MAP1LC3B: variants seen among roughly 807,000 people sequenced by gnomAD.
The protein encoded by MAP1LC3B is microtubule-associated protein 1 light chain 3 beta.
MAP1LC3B carries 12 observed loss-of-function variants against 16.7 expected under a neutral mutation model. The observed-to-expected ratio is 0.72, with a 90% CI of 0.46 to 1.16. MAP1LC3B has a LOEUF of 1.16. Ranked by LOEUF, MAP1LC3B falls within the 50% of genes most tolerant of loss-of-function variation. The pLI, the probability that MAP1LC3B is intolerant of heterozygous loss-of-function variation, is 0.00. For synonymous variants in MAP1LC3B, 63 were observed against 56.5 expected, an observed-to-expected ratio of 1.11 and a Z score of -0.51; for missense variants, 155 against 159.5, an observed-to-expected ratio of 0.97 and a Z score of 0.15.
At chr16:87,399,069 G>C (rs950206970) in intron 2 of MAP1LC3B, 199 bp downstream of exon 2, 3 of 570,230 alleles carry the variant, frequency 5.3e-6, no homozygotes, top group Admixed American at 3.0e-5. Flanking sequence ...GCAGTGGTGC[G>C]ATCGTAGCTC....
At position 87,403,742 on chromosome 16, in the gene MAP1LC3B, GTTCTCTAGAT is replaced by G. The variant is rs1908077650; in HGVS notation, c.*646_*655del. ...GGGGTAGACATTTCTGGTTTGGTTT[GTTCTCTAGAT>G]AGTTACACACATAAAGACACCACTC... is the stretch of plus-strand genomic sequence containing the variant. On this transcript the variant is annotated 3_prime_UTR_variant, in exon 4 of 4. Transcript: ENST00000268607. 1 of 152,240 alleles carries G rather than the reference GTTCTCTAGAT, an allele frequency of 6.6e-6. No homozygotes were observed. The highest frequency in any genetic ancestry group is 2.1e-4 in the South Asian group (1 of 4,832). 9.4% of individuals were successfully genotyped at this position (152,240 alleles called of 1,614,324 possible).
chr16:87,402,382 A>T, intron 3 of MAP1LC3B, 101 bp downstream of exon 3: 1 of 1,128,596 alleles, frequency 8.9e-7, no homozygotes, highest in Non-Finnish European at 1.2e-6. Context: ...AAATCTTTAA[A>T]AAATATTTTT....
intron 1 of MAP1LC3B, chr16:87,393,301 GA>G (rs1320379159): frequency 6.6e-6 from 1 of 152,230 alleles, no homozygotes; most frequent in Admixed American, 6.5e-5. Flanking sequence ...GCTTGAGCAA[GA>G]GAACGCCGCA....
chr16:87,399,707 T>TAAA, intron 2 of MAP1LC3B: 1 of 379,744 alleles, frequency 2.6e-6, no homozygotes, highest in Non-Finnish European at 5.2e-6. Context: ...AGCTTAAAAC[T>TAAA]AAAAAAAAAC....
At chr16:87,399,388 T>A in intron 2 of MAP1LC3B, 1 of 293,394 alleles carries the variant, frequency 3.4e-6, no homozygotes, top group South Asian at 2.9e-5. Flanking sequence ...CACACTGATA[T>A]TTCCTTGTGG....
intron 1 of MAP1LC3B, 150 bp from the exon 2 acceptor site, chr16:87,398,665 G>T: frequency 2.9e-6 from 2 of 687,402 alleles, no homozygotes; most frequent in Admixed American, 4.9e-5. Context: ...TGAAGTGTTC[G>T]TGTTTTGTTT....
intron 1 of MAP1LC3B, among the ~76,000 whole-genome samples, chr16:87,393,716 T>C (rs2150708990): frequency 6.6e-6 from 1 of 151,970 alleles, no homozygotes; most frequent in South Asian, 2.1e-4. Context: ...TATTGAGCCC[T>C]GAGAGCAGCA....
chr16:87,401,132 CAAAAAAA>C (rs10543884), intron 2 of MAP1LC3B, among the ~76,000 whole-genome samples: 5 of 67,576 alleles, frequency 7.4e-5, no homozygotes, highest in East Asian at 4.2e-4. Flanking sequence ...GACTCTGTCT[CAAAAAAA>C]AAAAAAAAAA....
Position 87,392,423 on chromosome 16 carries a change from G to C in MAP1LC3B, c.-5G>C. 1 of 1,421,490 alleles carries C rather than the reference G, an allele frequency of 7.0e-7. No homozygotes were observed. The highest frequency in any genetic ancestry group is 9.1e-7 in the Non-Finnish European group (1 of 1,096,896). 88.1% of individuals were successfully genotyped at this position (1,421,490 alleles called of 1,614,324 possible). A position where few individuals can be genotyped will look rare whatever the true frequency, so the allele number is the denominator to read the frequency against. The stretch of plus-strand genomic sequence containing the variant: ...CGCCGCCGCCGCCGCCCAGATCCCT[G>C]CACCATGCCGTCGGAGAAGACCTTC... On this transcript the variant is annotated 5_prime_UTR_variant, in exon 1 of 4. Transcript: ENST00000268607.
At chr16:87,398,189 AT>A (rs1030794738) in intron 1 of MAP1LC3B, among the ~76,000 whole-genome samples, 12 of 151,846 alleles carry the variant, frequency 7.9e-5, no homozygotes, top group Non-Finnish European at 1.8e-4. Context: ...CGCCCGGCTA[AT>A]TTTTATACTT....
At chr16:87,402,642 A>G (rs991881132) in intron 3 of MAP1LC3B, 11 of 543,518 alleles carry the variant, frequency 2.0e-5, no homozygotes, top group Non-Finnish European at 3.2e-5. Context: ...ATCTTAGAAT[A>G]GTTCAGAAAC....
At chr16:87,398,684 C>G (rs1043334100) in intron 1 of MAP1LC3B, 131 bp from the exon 2 acceptor site, 1 of 778,204 alleles carries the variant, frequency 1.3e-6, no homozygotes, top group Non-Finnish European at 2.2e-6. Flanking sequence ...TTCTTTAAGT[C>G]CTAGGAAAGA....
intron 2 of MAP1LC3B, chr16:87,399,428 T>G (rs2150711971): frequency 3.1e-6 from 1 of 318,814 alleles, no homozygotes; most frequent in South Asian, 2.5e-5. Context: ...GTCCGCTAGA[T>G]AAAGCTCTCA....
rs1462870483 is a variant in MAP1LC3B at position 87,403,272 on chromosome 16, C to T, written c.*175C>T. 6 of 544,478 alleles carry T rather than the reference C, an allele frequency of 1.1e-5. No individual in the cohort carries two copies. The highest frequency in any genetic ancestry group is 1.9e-5 in the African/African-American group (1 of 52,896). The allele number at this position is 544,478 out of a possible 1,614,324, so 33.7% of individuals were successfully genotyped here. ...TGTTTCAAGCAGAAAAACTGAGCTC[C>T]AAGTGAGCACATTCAGCTTTGGAAA... On this transcript the variant is annotated 3_prime_UTR_variant, in exon 4 of 4. Coordinates refer to ENST00000268607, the MANE Select transcript of MAP1LC3B (RefSeq NM_022818.5).
rs1908100759 is a variant in MAP1LC3B at position 87,404,337 on chromosome 16, T to G, written c.*1240T>G. ...CAATTACACCACTTTAGACCCTATG[T>G]GTAGCAGGTCACAACTTACCCTTGT... On this transcript the variant is annotated 3_prime_UTR_variant, in exon 4 of 4. Transcript: ENST00000268607. The G allele has an allele frequency of 6.6e-6, 1 of 152,210 alleles. No homozygotes were observed. Among genetic ancestry groups the G allele is most frequent in the African/African-American group, 2.4e-5 (1 of 41,460 alleles). The allele number at this position is 152,210 out of a possible 1,614,324, so 9.4% of individuals were successfully genotyped here.
At chr16:87,402,612 A>G in intron 3 of MAP1LC3B, 1 of 537,060 alleles carries the variant, frequency 1.9e-6, no homozygotes. Flanking sequence ...TGTGAGTGGC[A>G]GTAAATGGCA....
chr16:87,402,154 C>A (rs1458948488), intron 2 of MAP1LC3B, 21 bp from the exon 3 acceptor site: 2 of 1,613,288 alleles, frequency 1.2e-6, no homozygotes, highest in Middle Eastern at 1.7e-4. Context: ...ATTTTAAAAT[C>A]ACTTCTGGCT....
At position 87,396,143 on chromosome 16, in the gene MAP1LC3B, G is replaced by C. The variant is rs1252637297; in HGVS notation, c.41-2672G>C. ...CCCAAAGTGCTGGGTTTACGAGCGT[G>C]AGCCACCGCACCCAGCCAAACCTAG... is the stretch of plus-strand genomic sequence containing the variant. On this transcript the variant is annotated intron_variant, in intron 1 of 3. Coordinates refer to ENST00000268607, the MANE Select transcript of MAP1LC3B (RefSeq NM_022818.5). Among the ~76,000 whole-genome samples, 3 of 151,620 alleles carry C rather than the reference G, an allele frequency of 2.0e-5. No homozygotes were observed. In the South Asian group the frequency reaches 6.3e-4, roughly 32 times the overall value.
intron 1 of MAP1LC3B, among the ~76,000 whole-genome samples, chr16:87,397,769 A>T (rs1306376173): frequency 6.6e-6 from 1 of 151,708 alleles, no homozygotes; most frequent in Non-Finnish European, 1.5e-5. Flanking sequence ...GTGAGAATCA[A>T]TCCTACCATA....
Sources: allele counts gnomAD v4.1 joint callset (sites outside exome capture counted in the v4.1 genomes callset), GRCh38; gene constraint gnomAD v4.1.1; transcripts MANE v1.5; gene names NCBI Gene and HGNC (gene_info 2026-07-23, HGNC 2026-07-21).